CRYBG1: variants seen among roughly 807,000 people sequenced by gnomAD.
CRYBG1 encodes crystallin beta-gamma domain containing 1.
Under a neutral mutation model 189.2 loss-of-function variants are expected in CRYBG1, and 139 were observed. That is an observed-to-expected ratio of 0.73 (90% CI 0.64 to 0.85). The LOEUF is 0.85. CRYBG1 is among the 40% of genes least tolerant of loss of function. The probability of loss-of-function intolerance (pLI) is 0.00; values close to 1 mark genes in which losing one functional copy is unlikely to be tolerated. For synonymous variants in CRYBG1, 1,023 were observed against 1,017.1 expected (o/e 1.01, Z -0.11); for missense variants, 2,611 against 2,675.8 (o/e 0.98, Z 0.53).
chr6:106,398,250 C>T (rs569489228), intron 1 of CRYBG1, among the ~76,000 whole-genome samples: 1 of 152,012 alleles, frequency 6.6e-6, no homozygotes, highest in Non-Finnish European at 1.5e-5. Context: ...TACGTTGGCT[C>T]ACGCCTGTAA....
At chr6:106,568,396 G>C in intron 21 of CRYBG1, 76 bp from the exon 22 acceptor site, 1 of 1,141,192 alleles carries the variant, frequency 8.8e-7, no homozygotes, top group South Asian at 1.3e-5. Flanking sequence ...TGCTGTACTG[G>C]TGTTAGGGGA....
intron 4 of CRYBG1, among the ~76,000 whole-genome samples, chr6:106,522,509 G>A (rs539887123): frequency 2.0e-5 from 3 of 152,160 alleles, no homozygotes; most frequent in East Asian, 1.9e-4. Context: ...TACTTTACTC[G>A]GTTTTTGATG....
chr6:106,426,712 C>T (rs558121835), intron 1 of CRYBG1, among the ~76,000 whole-genome samples: 4 of 152,172 alleles, frequency 2.6e-5, no homozygotes, highest in African/African-American at 4.8e-5. Flanking sequence ...GTTCCCTGCA[C>T]GCAGCTGGCT....
In CRYBG1 at chr6:106,377,621, T is replaced by TATATATATATATA. The variant is rs1419204336; in HGVS notation, c.173+16540_173+16541insATATATATATATA. Among the ~76,000 whole-genome samples the TATATATATATATA allele has an allele frequency of 1.2e-3, 86 of 69,486 alleles. 2 individuals are homozygous for TATATATATATATA. The highest frequency in any genetic ancestry group is 2.7e-3 in the African/African-American group (77 of 28,054). The allele number at this position is 69,486 out of a possible 152,430, so 45.6% of individuals were successfully genotyped here. Reference sequence around the variant, plus strand: ...TGTGTAACTCATAAGTCCTAAGGTTTTATATATATATATATATATATATAT... The same window carrying TATATATATATATA: ...TGTGTAACTCATAAGTCCTAAGGTTTATATATATATATATATATATATATATATATATATATAT... On this transcript the variant is annotated intron_variant, in intron 1 of 21. Coordinates refer to ENST00000633556, the MANE Select transcript of CRYBG1 (RefSeq NM_001371242.2).
At chr6:106,404,260 G>A (rs924887854) in intron 1 of CRYBG1, among the ~76,000 whole-genome samples, 1 of 152,168 alleles carries the variant, frequency 6.6e-6, no homozygotes, top group Non-Finnish European at 1.5e-5. Flanking sequence ...CTCATCACTG[G>A]TCTGGCAATC....
At chr6:106,535,544 A>C (rs1444333367) in intron 8 of CRYBG1, among the ~76,000 whole-genome samples, 2 of 152,186 alleles carry the variant, frequency 1.3e-5, no homozygotes, top group Non-Finnish European at 2.9e-5. Flanking sequence ...TCATTATTAC[A>C]CTTGAGAAAA....
intron 1 of CRYBG1, among the ~76,000 whole-genome samples, chr6:106,387,581 G>T (rs979353309): frequency 6.6e-6 from 1 of 152,162 alleles, no homozygotes; most frequent in Middle Eastern, 3.4e-3. Flanking sequence ...TTAGATACTC[G>T]ACAGGACATT....
intron 2 of CRYBG1, among the ~76,000 whole-genome samples, chr6:106,507,486 G>A (rs1773157439): frequency 6.6e-6 from 1 of 152,214 alleles, no homozygotes; most frequent in South Asian, 2.1e-4. Flanking sequence ...CAGGGGCAGA[G>A]GAATCTGAGG....
intron 1 of CRYBG1, among the ~76,000 whole-genome samples, chr6:106,395,479 T>C (rs1405141994): frequency 6.6e-6 from 1 of 152,030 alleles, no homozygotes; most frequent in Admixed American, 6.5e-5. Flanking sequence ...TATTCGTTTT[T>C]CAAATAAATA....
intron 2 of CRYBG1, among the ~76,000 whole-genome samples, chr6:106,453,708 A>G (rs1012881484): frequency 1.6e-4 from 24 of 152,330 alleles, no homozygotes; most frequent in African/African-American, 5.5e-4. Context: ...TTGAGGCAAA[A>G]AACAAGTTCC....
intron 4 of CRYBG1, among the ~76,000 whole-genome samples, chr6:106,522,120 T>A (rs6906338): frequency 0.89 from 134,820 of 152,206 alleles, 59,960 homozygotes; most frequent in South Asian, 0.92. Context: ...GACAGATGAG[T>A]TGCTTTTTCT....
intron 1 of CRYBG1, among the ~76,000 whole-genome samples, chr6:106,372,125 A>G (rs1176776998): frequency 2.0e-5 from 3 of 152,264 alleles, no homozygotes; most frequent in Non-Finnish European, 4.4e-5. Context: ...ACTAACTTAC[A>G]AAGCCAGCAG....
intron 2 of CRYBG1, among the ~76,000 whole-genome samples, chr6:106,470,136 G>C (rs192893548): frequency 6.6e-6 from 1 of 152,278 alleles, no homozygotes; most frequent in Admixed American, 6.5e-5. Context: ...GTAAACACAA[G>C]GTTCTGTGAC....
chr6:106,387,409 A>G (rs1582734846), intron 1 of CRYBG1, among the ~76,000 whole-genome samples: 2 of 152,200 alleles, frequency 1.3e-5, no homozygotes, highest in African/African-American at 4.8e-5. Context: ...CGCTCCCCTC[A>G]TGGGGTCTTA....
In CRYBG1 at chr6:106,451,683, G is replaced by A. The variant is rs771686948; in HGVS notation, c.174-11G>A. 1.2e-4 allele frequency: 180 copies of A among 1,530,082 alleles called. No homozygotes were observed. The highest frequency in any genetic ancestry group is 4.7e-4 in the East Asian group (19 of 40,712). 94.8% of individuals were successfully genotyped at this position (1,530,082 alleles called of 1,614,324 possible). A position where few individuals can be genotyped will look rare whatever the true frequency, so the allele number is the denominator to read the frequency against. On this transcript the variant is annotated splice_polypyrimidine_tract_variant and intron_variant, in intron 1 of 21. Coordinates refer to ENST00000633556, the MANE Select transcript of CRYBG1 (RefSeq NM_001371242.2). ...AGTGTATTGACATGACTGTGGTTCCGTTCTTTGCAGAGCTTTGGATGTAGT... is the reference window on the plus strand; with the variant it reads ...AGTGTATTGACATGACTGTGGTTCCATTCTTTGCAGAGCTTTGGATGTAGT...
intron 2 of CRYBG1, among the ~76,000 whole-genome samples, chr6:106,504,030 A>G (rs1173940318): frequency 1.0e-4 from 3 of 29,032 alleles, no homozygotes; most frequent in Admixed American, 5.2e-4. Flanking sequence ...ACAGCATTAG[A>G]AAAAAAAAAA....
At chr6:106,497,270 G>A (rs552366203) in intron 2 of CRYBG1, among the ~76,000 whole-genome samples, 1 of 152,176 alleles carries the variant, frequency 6.6e-6, no homozygotes, top group East Asian at 1.9e-4. Context: ...AAACTGAGTG[G>A]GAAAAGACAT....
At chr6:106,380,099 G>A (rs186912634) in intron 1 of CRYBG1, among the ~76,000 whole-genome samples, 2 of 152,198 alleles carry the variant, frequency 1.3e-5, no homozygotes, top group African/African-American at 4.8e-5. Context: ...GCCCTGACTT[G>A]TGCAATTTCA....
chr6:106,431,260 C>T (rs1771319873), intron 1 of CRYBG1, among the ~76,000 whole-genome samples: 1 of 152,132 alleles, frequency 6.6e-6, no homozygotes, highest in Non-Finnish European at 1.5e-5. Flanking sequence ...TGGAATAAAC[C>T]TCTCTCAAAA....
Sources: allele counts gnomAD v4.1 joint callset (sites outside exome capture counted in the v4.1 genomes callset), GRCh38; gene constraint gnomAD v4.1.1; transcripts MANE v1.5; gene names NCBI Gene and HGNC (gene_info 2026-07-23, HGNC 2026-07-21).